The following GNAQ variants were observed in gnomAD, a reference collection of about 807,000 sequenced individuals.
GNAQ encodes G protein subunit alpha q.
GNAQ carries 8 observed loss-of-function variants against 43.9 expected under a neutral mutation model. That is an observed-to-expected ratio of 0.18 (90% CI 0.11 to 0.33). The LOEUF is 0.33. Among genes scored for constraint, GNAQ ranks in the 10% least tolerant of loss-of-function variants. GNAQ has a pLI of 1.00. For synonymous variants in GNAQ, 155 were observed against 170.7 expected, an observed-to-expected ratio of 0.91 and a Z score of 0.71; for missense variants, 158 against 450.8, an observed-to-expected ratio of 0.35 and a Z score of 5.88.
intron 1 of GNAQ, among the ~76,000 whole-genome samples, chr9:77,966,909 C>T (rs1426026132): frequency 1.3e-5 from 2 of 152,176 alleles, no homozygotes; most frequent in African/African-American, 4.8e-5. Context: ...TCCACTGCCT[C>T]TGCCACGGTC....
rs1828757621 is a variant in GNAQ at position 77,909,121 on chromosome 9, C to T, written c.321+13040G>A. ...CCCCTTCCTCTGGGCCACCATTCTC[C>T]TCCATGGCTGGCAAAAACTGCACAA... On this transcript the variant is annotated intron_variant, in intron 2 of 6. Transcript: ENST00000286548. Among the ~76,000 whole-genome samples, 3 of 152,174 alleles carry T rather than the reference C, an allele frequency of 2.0e-5. No individual in the cohort carries two copies. In the South Asian group the frequency reaches 6.2e-4, roughly 31 times the overall value.
intron 2 of GNAQ, among the ~76,000 whole-genome samples, chr9:77,882,975 GAGTT>G (rs1476516198): frequency 1.3e-5 from 2 of 152,120 alleles, no homozygotes; most frequent in Admixed American, 6.6e-5. Flanking sequence ...ATGTCTAAAA[GAGTT>G]AGCACCCTTC....
chr9:77,963,473 G>C (rs998441705), intron 1 of GNAQ, among the ~76,000 whole-genome samples: 1 of 152,062 alleles, frequency 6.6e-6, no homozygotes, highest in Non-Finnish European at 1.5e-5. Context: ...CTAGGATCAA[G>C]AGCCTGAAGC....
At chr9:77,942,201 C>T (rs1829326004) in intron 1 of GNAQ, among the ~76,000 whole-genome samples, 1 of 152,072 alleles carries the variant, frequency 6.6e-6, no homozygotes, top group African/African-American at 2.4e-5. Context: ...GTTAAAAGAT[C>T]ATGTTCTTTA....
chr9:78,008,673 C>T (rs1206636795), intron 1 of GNAQ, among the ~76,000 whole-genome samples: 1 of 151,824 alleles, frequency 6.6e-6, no homozygotes, highest in African/African-American at 2.4e-5. Context: ...GGCTGGAGTA[C>T]AGTAGCATGA....
intron 1 of GNAQ, among the ~76,000 whole-genome samples, chr9:77,969,793 G>A (rs2118453526): frequency 6.6e-6 from 1 of 152,268 alleles, no homozygotes; most frequent in Non-Finnish European, 1.5e-5. Context: ...TGTAATGCAT[G>A]CCTACTAAAT....
intron 2 of GNAQ, among the ~76,000 whole-genome samples, chr9:77,818,386 G>C (rs1827055057): frequency 6.7e-6 from 1 of 148,464 alleles, no homozygotes; most frequent in Admixed American, 6.7e-5. Context: ...AATATATACA[G>C]ATTTTTAAAA....
At chr9:77,778,214 T>TACAC (rs34540195) in intron 5 of GNAQ, among the ~76,000 whole-genome samples, 5,838 of 149,582 alleles carry the variant, frequency 0.039, 324 homozygotes, top group East Asian at 0.21. Flanking sequence ...TTTACACGTT[T>TACAC]ACACACACAC....
chr9:77,996,571 A>G (rs1823569975), intron 1 of GNAQ, among the ~76,000 whole-genome samples: 1 of 151,458 alleles, frequency 6.6e-6, no homozygotes, highest in Non-Finnish European at 1.5e-5. Context: ...CCAGGTACTC[A>G]GGAGGCTGAG....
chr9:77,834,307 G>C (rs1399425650), intron 2 of GNAQ, among the ~76,000 whole-genome samples: 12 of 152,172 alleles, frequency 7.9e-5, no homozygotes, highest in Admixed American at 7.9e-4. Flanking sequence ...GCTACTGAGA[G>C]ATTAATTATG....
At chr9:77,950,835 CAATA>C (rs1383423712) in intron 1 of GNAQ, among the ~76,000 whole-genome samples, 39 of 152,140 alleles carry the variant, frequency 2.6e-4, no homozygotes, top group South Asian at 1.2e-3. Flanking sequence ...ATCAATCAAT[CAATA>C]GGGCCCTGAT....
intron 1 of GNAQ, among the ~76,000 whole-genome samples, chr9:77,956,061 TTG>T (rs940110001): frequency 2.0e-5 from 3 of 152,144 alleles, no homozygotes; most frequent in African/African-American, 7.2e-5. Flanking sequence ...AAAAGAAATA[TTG>T]TCTTTTTTGT....
intron 5 of GNAQ, among the ~76,000 whole-genome samples, chr9:77,755,600 T>C (rs1361947875): frequency 6.6e-6 from 1 of 152,222 alleles, no homozygotes; most frequent in African/African-American, 2.4e-5. Flanking sequence ...ACTAAGAAAT[T>C]ATCTTCATTT....
rs539732373 is a variant in GNAQ at position 77,760,684 on chromosome 9, G to A, written c.736-32017C>T. On this transcript the variant is annotated intron_variant, in intron 5 of 6. Coordinates refer to ENST00000286548, the MANE Select transcript of GNAQ (RefSeq NM_002072.5). ...TGGCCACCCATCATCTGGGATGTTA[G>A]GAGCCCCTCTGCCTGGCTGCCCAGT... Among the ~76,000 whole-genome samples the A allele has an allele frequency of 5.8e-3, 879 of 151,802 alleles. 1 individual carries two copies. Among genetic ancestry groups the A allele is most frequent in the Non-Finnish European group, 8.6e-3 (585 of 67,896 alleles).
chr9:77,829,612 G>C (rs935379844), intron 2 of GNAQ, among the ~76,000 whole-genome samples: 7 of 152,098 alleles, frequency 4.6e-5, no homozygotes, highest in Non-Finnish European at 1.0e-4. Context: ...TGGCCCACCC[G>C]CAGCCTTGAG....
At chr9:77,792,526 G>T (rs1554716287) in intron 5 of GNAQ, among the ~76,000 whole-genome samples, 1 of 152,034 alleles carries the variant, frequency 6.6e-6, no homozygotes, top group Non-Finnish European at 1.5e-5. Flanking sequence ...AGGAAAAATG[G>T]AATAAATGAT....
chr9:77,850,656 T>C (rs1827660811), intron 2 of GNAQ, among the ~76,000 whole-genome samples: 1 of 152,190 alleles, frequency 6.6e-6, no homozygotes. Context: ...ACTCTGTGCC[T>C]TTAATCTTAG....
At chr9:77,860,422 T>C (rs1300569155) in intron 2 of GNAQ, among the ~76,000 whole-genome samples, 1 of 152,176 alleles carries the variant, frequency 6.6e-6, no homozygotes, top group East Asian at 1.9e-4. Flanking sequence ...CAGGGGGTAT[T>C]CTGTTGCTAT....
intron 2 of GNAQ, among the ~76,000 whole-genome samples, chr9:77,891,085 T>C (rs1338643880): frequency 6.6e-6 from 1 of 152,236 alleles, no homozygotes; most frequent in Non-Finnish European, 1.5e-5. Flanking sequence ...TTCTAATTCA[T>C]TAACATAATA....
Sources: gnomAD v4.1 joint callset for allele counts (sites outside exome capture counted in the v4.1 genomes callset) on GRCh38, gnomAD v4.1.1 for gene constraint, MANE v1.5 for transcripts, NCBI Gene and HGNC (gene_info 2026-07-23, HGNC 2026-07-21) for gene names.